CAPS2: variants seen among roughly 807,000 people sequenced by gnomAD.
The protein encoded by CAPS2 is calcyphosine 2.
In CAPS2, 98 loss-of-function variants were observed where a neutral mutation model predicts 86.5. That is an observed-to-expected ratio of 1.13 (90% confidence interval 0.96 to 1.34). The LOEUF is 1.34. Ranked by LOEUF, CAPS2 falls within the 40% of genes most tolerant of loss-of-function variation. CAPS2 has a pLI of 0.00. For synonymous variants in CAPS2, 210 were observed against 225.1 expected (o/e 0.93, Z 0.60); for missense variants, 729 against 686.8 (o/e 1.06, Z -0.69).
chr12:75,336,039 G>C (rs2041713474), intron 1 of CAPS2, among the ~76,000 whole-genome samples: 1 of 151,876 alleles, frequency 6.6e-6, no homozygotes, highest in Admixed American at 6.6e-5. Flanking sequence ...TTATAATAAT[G>C]TAGAAACTAA....
At chr12:75,332,793 G>A (rs893781947), upstream of CAPS2, among the ~76,000 whole-genome samples, 1 of 152,162 alleles carries the variant, frequency 6.6e-6, no homozygotes, top group Admixed American at 6.5e-5. Context: ...CAATCTGATA[G>A]AGAAGGCAGA....
chr12:75,293,981 G>A lies in CAPS2; in HGVS notation c.1045-614C>T, dbSNP rs547878855. 9.2e-5 allele frequency among the ~76,000 whole-genome samples: 14 copies of A among 152,068 alleles called. No individual in the cohort carries two copies. In the East Asian group the frequency reaches 9.6e-4, roughly 10 times the overall value. ...GGAGTCTCGCACTGTCGCCCAGGCC[G>A]CAGTGCAGTGTCACGATCTCTGCTC... On this transcript the variant is annotated intron_variant, in intron 11 of 16. Coordinates refer to ENST00000393284, the Ensembl canonical transcript of CAPS2.
chr12:75,298,094 ACT>A (rs1295202606), intron 11 of CAPS2: 1 of 152,428 alleles, frequency 6.6e-6, no homozygotes, highest in Non-Finnish European at 1.5e-5. Flanking sequence ...CTGAATGATC[ACT>A]GTGGATAGTG....
exon 6 of CAPS2, chr12:75,316,401 G>A: frequency 6.4e-7 from 1 of 1,550,720 alleles, no homozygotes; most frequent in Non-Finnish European, 8.7e-7. Flanking sequence ...AGAGTCGTAA[G>A]GTCATCTGTG....
At chr12:75,359,396 G>C (rs1351604128) in intron 1 of CAPS2, among the ~76,000 whole-genome samples, 2 of 40,954 alleles carry the variant, frequency 4.9e-5, no homozygotes, top group African/African-American at 9.9e-5. Flanking sequence ...TTGCTGAATT[G>C]ATCTATGAAT....
At chr12:75,347,686 C>A (rs2042546209) in intron 1 of CAPS2, 2 of 1,605,228 alleles carry the variant, frequency 1.2e-6, no homozygotes, top group African/African-American at 2.7e-5. Context: ...CTTGGGGGAG[C>A]TTCAACTGCA....
At chr12:75,306,002 C>A in intron 7 of CAPS2, 1 of 1,459,602 alleles carries the variant, frequency 6.9e-7, no homozygotes, top group Non-Finnish European at 9.4e-7. Flanking sequence ...AGGCCTCCTG[C>A]TCATGATCCT....
At chr12:75,298,459 G>C in intron 11 of CAPS2, 1 of 490,374 alleles carries the variant, frequency 2.0e-6, no homozygotes, top group Non-Finnish European at 3.7e-6. Context: ...AATGGGAAGG[G>C]GGGTGTTACA....
chr12:75,365,933 C>G (rs1055191200), intron 1 of CAPS2, among the ~76,000 whole-genome samples: 7 of 152,164 alleles, frequency 4.6e-5, no homozygotes, highest in Admixed American at 3.3e-4. Flanking sequence ...TTTGGGCTGG[C>G]TTTATAGTTT....
intron 13 of CAPS2, among the ~76,000 whole-genome samples, chr12:75,291,361 T>C (rs564813576): frequency 4.0e-4 from 61 of 150,662 alleles, no homozygotes; most frequent in Non-Finnish European, 8.3e-4. Context: ...AGTTTATGAG[T>C]AAAACCCATA....
intron 1 of CAPS2, among the ~76,000 whole-genome samples, chr12:75,367,973 T>G (rs1458569999): frequency 6.6e-6 from 1 of 152,138 alleles, no homozygotes; most frequent in Non-Finnish European, 1.5e-5. Context: ...TCTCTTTTCC[T>G]TATTTTGCTG....
At chr12:75,332,374 C>T (rs1288984457), upstream of CAPS2, among the ~76,000 whole-genome samples, 3 of 152,202 alleles carry the variant, frequency 2.0e-5, no homozygotes, top group Non-Finnish European at 2.9e-5. Context: ...ATGCAGCCAA[C>T]ATTCACTGAG....
At chr12:75,370,127 C>A (rs2044263890) in intron 1 of CAPS2, 5 of 1,607,550 alleles carry the variant, frequency 3.1e-6, no homozygotes, top group Non-Finnish European at 4.3e-6. Flanking sequence ...CCTCAGCAGA[C>A]AGCCTTTAAT....
intron 1 of CAPS2, among the ~76,000 whole-genome samples, chr12:75,367,638 T>C (rs1272479191): frequency 1.3e-5 from 2 of 152,142 alleles, no homozygotes; most frequent in African/African-American, 4.8e-5. Flanking sequence ...AAAATTTAAA[T>C]GCTTTTGTAT....
chr12:75,361,263 AG>A (rs1403975082), intron 1 of CAPS2, among the ~76,000 whole-genome samples: 1 of 152,216 alleles, frequency 6.6e-6, no homozygotes, highest in East Asian at 1.9e-4. Flanking sequence ...ACAACAGTGT[AG>A]AAAACTAATT....
chr12:75,343,095 T>C (rs1237508948), intron 1 of CAPS2, among the ~76,000 whole-genome samples: 2 of 152,126 alleles, frequency 1.3e-5, no homozygotes, highest in East Asian at 3.9e-4. Context: ...CCAATCCTTA[T>C]ACATTTTATA....
At chr12:75,310,888 A>G (rs899652879) in intron 7 of CAPS2, among the ~76,000 whole-genome samples, 1 of 152,150 alleles carries the variant, frequency 6.6e-6, no homozygotes, top group African/African-American at 2.4e-5. Context: ...GGCAAATGGA[A>G]ACACATGAGA....
chr12:75,287,140 C>G (rs2035022065), intron 14 of CAPS2, among the ~76,000 whole-genome samples: 1 of 150,882 alleles, frequency 6.6e-6, no homozygotes, highest in African/African-American at 2.4e-5. Flanking sequence ...TCCATAGGAC[C>G]AGTTCATAAT....
At position 75,385,158 on chromosome 12, in the gene CAPS2, G is replaced by A. The variant is rs537780808; in HGVS notation, c.-395+5680C>T. ...ACAGCAAGAAGGTATTTCACCAAAC[G>A]CAGCCCCTCAACCTTATGTTCTCAG... is the stretch of plus-strand genomic sequence containing the variant. On this transcript the variant is annotated intron_variant, in intron 1 of 5. Coordinates refer to the CAPS2 transcript ENST00000551829. Among the ~76,000 whole-genome samples the A allele has an allele frequency of 3.0e-4, 46 of 152,202 alleles. 1 individual carries two copies. The highest frequency in any genetic ancestry group is 1.5e-3 in the South Asian group (7 of 4,820).
Sources: allele counts gnomAD v4.1 joint callset (sites outside exome capture counted in the v4.1 genomes callset), GRCh38; gene constraint gnomAD v4.1.1; transcripts MANE v1.5; gene names NCBI Gene and HGNC (gene_info 2026-07-23, HGNC 2026-07-21).